CCNI: variants seen among roughly 807,000 people sequenced by gnomAD.
The protein encoded by CCNI is cyclin I, also known as cyclin-I.
CCNI carries 14 observed loss-of-function variants against 34.1 expected under a neutral mutation model. The ratio of observed to expected loss-of-function variants is 0.41; its 90% confidence interval spans 0.27 to 0.64. The LOEUF (loss-of-function observed/expected upper bound fraction) is 0.64, where lower values mean the gene tolerates loss of function less well. Ranked by LOEUF, CCNI falls within the 30% of genes least tolerant of loss-of-function variation. CCNI has a pLI of 0.31. For missense variants in CCNI, 385 were observed against 440.5 expected (o/e 0.87, Z 1.13); for synonymous variants, 154 against 158.4 (o/e 0.97, Z 0.21).
At chr4:77,055,883 A>T (rs1305204326) in intron 5 of CCNI, 79 bp downstream of exon 5, 2 of 1,195,632 alleles carry the variant, frequency 1.7e-6, no homozygotes, top group East Asian at 4.7e-5. Context: ...TACAAAATAA[A>T]TGAGTAGGCA....
chr4:77,072,866 G>A (rs950790973), intron 1 of CCNI, among the ~76,000 whole-genome samples: 3 of 152,046 alleles, frequency 2.0e-5, no homozygotes, highest in African/African-American at 7.3e-5. Context: ...GAAATATTTA[G>A]CAGTATAGGG....
intron 3 of CCNI, among the ~76,000 whole-genome samples, chr4:77,057,006 G>A (rs1728288634): frequency 6.6e-6 from 1 of 151,948 alleles, no homozygotes; most frequent in East Asian, 1.9e-4. Flanking sequence ...TTTCTATCCA[G>A]CAGAAAAAAA....
chr4:77,069,561 G>A (rs1193750827), intron 1 of CCNI, among the ~76,000 whole-genome samples: 1 of 150,766 alleles, frequency 6.6e-6, no homozygotes, highest in Non-Finnish European at 1.5e-5. Flanking sequence ...TTTACATTAG[G>A]TATATCTCCT....
Position 77,048,011 on chromosome 4 carries a change from C to CTTT in CCNI, c.*205_*207dup. ...AAAAAAGTTTGGATCTTTTGGATTT[C>CTTT]TTTTTTTTTTTTTTGGTCTTTATGT... On this transcript the variant is annotated 3_prime_UTR_variant, in exon 7 of 7. Coordinates refer to ENST00000237654, the MANE Select transcript of CCNI (RefSeq NM_006835.3). The CTTT allele has an allele frequency of 1.9e-5, 6 of 316,030 alleles. No individual in the cohort carries two copies. The highest frequency in any genetic ancestry group is 9.8e-5 in the Admixed American group (2 of 20,396). The allele number at this position is 316,030 out of a possible 1,614,324, so 19.6% of individuals were successfully genotyped here.
At chr4:77,050,125 C>T (rs1386065712) in intron 6 of CCNI, among the ~76,000 whole-genome samples, 1 of 152,158 alleles carries the variant, frequency 6.6e-6, no homozygotes, top group African/African-American at 2.4e-5. Flanking sequence ...ATATGATGCA[C>T]TAATCTTCCC....
At chr4:77,072,638 T>TAAAAAAAAAAAAAAAAAAAAAA (rs61247567) in intron 1 of CCNI, among the ~76,000 whole-genome samples, 1 of 101,386 alleles carries the variant, frequency 9.9e-6, no homozygotes, top group African/African-American at 4.1e-5. Context: ...CCCAATCTCT[T>TAAAAAAAAAAAAAAAAAAAAAA]AAAAAAAAAA....
chr4:77,060,484 G>T (rs1398028595), intron 2 of CCNI, among the ~76,000 whole-genome samples: 1 of 152,182 alleles, frequency 6.6e-6, no homozygotes, highest in East Asian at 1.9e-4. Flanking sequence ...TTGAGACAGG[G>T]TCTTGCTCTG....
chr4:77,051,194 C>T (rs891679949), intron 6 of CCNI, among the ~76,000 whole-genome samples: 1 of 152,278 alleles, frequency 6.6e-6, no homozygotes, highest in Non-Finnish European at 1.5e-5. Flanking sequence ...TTTCAATTCA[C>T]GGTTGGTTGA....
chr4:77,048,572 CAT>C lies in CCNI; in HGVS notation c.779_780del (p.Tyr260CysfsTer13). The C allele has an allele frequency of 1.9e-6, 3 of 1,611,220 alleles. No homozygotes were observed. Among genetic ancestry groups the C allele is most frequent in the Non-Finnish European group, 2.5e-6 (3 of 1,178,330 alleles). Reference protein sequence around the residue: ...LQSSLPLNSVYVYRPLKHTLV... With the variant: ...LQSSLPLNSVXVYRPLKHTLV... Reference sequence around the variant, plus strand: ...AGGGTGTGCTTGAGGGGACGGTAGACATAAACGGAATTCAGAGGCAGGGAAGA... The same window carrying C: ...AGGGTGTGCTTGAGGGGACGGTAGACAAACGGAATTCAGAGGCAGGGAAGA... On this transcript the variant is annotated frameshift_variant, in exon 7 of 7. Transcript: ENST00000237654. LOFTEE classifies it high-confidence loss of function.
At chr4:77,056,202 G>GA in intron 4 of CCNI, 47 bp downstream of exon 4, 1 of 1,594,012 alleles carries the variant, frequency 6.3e-7, no homozygotes, top group South Asian at 1.1e-5. Context: ...AATAAATGTG[G>GA]AGAGAAATTT....
chr4:77,059,909 T>A (rs1022525835), intron 2 of CCNI, among the ~76,000 whole-genome samples: 7 of 152,112 alleles, frequency 4.6e-5, no homozygotes, highest in African/African-American at 1.7e-4. Flanking sequence ...TAAGGAAAAG[T>A]AATGTTAACT....
intron 6 of CCNI, among the ~76,000 whole-genome samples, chr4:77,052,867 C>T (rs969472986): frequency 2.0e-5 from 3 of 152,178 alleles, no homozygotes; most frequent in African/African-American, 7.2e-5. Context: ...GTTTGGACCA[C>T]ATGGGTTGGT....
intron 1 of CCNI, among the ~76,000 whole-genome samples, chr4:77,072,845 A>T (rs900784573): frequency 2.0e-5 from 3 of 152,122 alleles, no homozygotes; most frequent in African/African-American, 7.2e-5. Context: ...AGAGAATATT[A>T]CTATTCTTGT....
chr4:77,048,873 T>C (rs1319262000), intron 6 of CCNI, among the ~76,000 whole-genome samples: 1 of 151,724 alleles, frequency 6.6e-6, no homozygotes, highest in Admixed American at 6.6e-5. Context: ...ATTTCTAATA[T>C]AATTATCTTT....
chr4:77,049,402 G>A (rs1445369643), intron 6 of CCNI, among the ~76,000 whole-genome samples: 2 of 152,114 alleles, frequency 1.3e-5, no homozygotes, highest in African/African-American at 4.8e-5. Context: ...TTATGGCCAG[G>A]CGTGGTGGCT....
chr4:77,055,843 G>A (rs1046695276), intron 5 of CCNI, 119 bp downstream of exon 5: 1 of 787,754 alleles, frequency 1.3e-6, no homozygotes, highest in Admixed American at 2.9e-5. Flanking sequence ...TTTTTCCTTG[G>A]ATATCAAGTT....
rs1331501976 is a variant in CCNI at position 77,047,553 on chromosome 4, T to C, written c.*666A>G. On this transcript the variant is annotated 3_prime_UTR_variant, in exon 7 of 7. Coordinates refer to ENST00000237654, the MANE Select transcript of CCNI (RefSeq NM_006835.3). ...ATGCTTTCAACAAACCTAAGTGTCC[T>C]AATTACATGCCACTTTTAAGCATCA... 6.6e-6 allele frequency: 1 copy of C among 152,224 alleles called. No homozygotes were observed. The highest frequency in any genetic ancestry group is 2.4e-5 in the African/African-American group (1 of 41,460). 9.4% of individuals were successfully genotyped at this position (152,224 alleles called of 1,614,324 possible).
intron 3 of CCNI, among the ~76,000 whole-genome samples, chr4:77,057,612 C>T (rs571460717): frequency 2.0e-5 from 3 of 152,308 alleles, no homozygotes; most frequent in African/African-American, 7.2e-5. Flanking sequence ...TAAATAAATG[C>T]TCATTTTCTG....
chr4:77,052,342 T>TTTAA, intron 6 of CCNI, among the ~76,000 whole-genome samples: 4 of 152,168 alleles, frequency 2.6e-5, no homozygotes, highest in Admixed American at 2.0e-4. Flanking sequence ...CTAGAACATG[T>TTTAA]ACTTTGACTA....
Sources: allele counts gnomAD v4.1 joint callset (sites outside exome capture counted in the v4.1 genomes callset), GRCh38; gene constraint gnomAD v4.1.1; transcripts MANE v1.5; gene names NCBI Gene and HGNC (gene_info 2026-07-23, HGNC 2026-07-21).